The following TMEM132C variants were observed in gnomAD, a reference collection of about 807,000 sequenced individuals.
The protein encoded by TMEM132C is protein phosphatase 1, regulatory subunit 152.
In TMEM132C, 29 loss-of-function variants were observed where a neutral mutation model predicts 61.4. That is an observed-to-expected ratio of 0.47 (90% CI 0.35 to 0.64). The LOEUF is 0.64. TMEM132C is among the 30% of genes least tolerant of loss of function. The pLI is 0.00. For missense variants in TMEM132C, 1,408 were observed against 1,476.9 expected (o/e 0.95, Z 0.76); for synonymous variants, 656 against 633.1 (o/e 1.04, Z -0.54).
rs58166037 is a variant in TMEM132C at position 128,321,138 on chromosome 12, AAATAATAATAATAAT to A, written c.85+53679_85+53693del. On this transcript the variant is annotated intron_variant, in intron 1 of 8. Transcript: ENST00000435159. ...CCCTGTCCAGGCTGCCATTTTTGAA[AAATAATAATAATAAT>A]AATAATAATAATAATAATAATAATA... is the stretch of plus-strand genomic sequence containing the variant. Among the ~76,000 whole-genome samples the A allele has an allele frequency of 6.3e-4, 91 of 143,762 alleles. 1 individual carries two copies. The highest frequency in any genetic ancestry group is 2.4e-4 in the Non-Finnish European group (16 of 66,168). The allele number at this position is 143,762 out of a possible 152,430, so 94.3% of individuals were successfully genotyped here. A position where few individuals can be genotyped will look rare whatever the true frequency, so the allele number is the denominator to read the frequency against.
intron 3 of TMEM132C, among the ~76,000 whole-genome samples, chr12:128,552,921 CAAAAAA>C (rs376996076): frequency 6.8e-6 from 1 of 147,614 alleles, no homozygotes. Context: ...AACAAACAAA[CAAAAAA>C]AAAGCATAAA....
chr12:128,455,388 C>T (rs916073092), intron 2 of TMEM132C, among the ~76,000 whole-genome samples: 4 of 152,142 alleles, frequency 2.6e-5, no homozygotes, highest in Non-Finnish European at 2.9e-5. Context: ...CTTTGCAGCC[C>T]GGCCGTCTGT....
intron 4 of TMEM132C, 84 bp from the exon 5 acceptor site, chr12:128,669,333 C>T (rs1954507075): frequency 8.1e-6 from 12 of 1,485,840 alleles, no homozygotes; most frequent in Non-Finnish European, 1.1e-5. Flanking sequence ...GGTGTTTACC[C>T]TGGGAGATTC....
chr12:128,324,893 A>G (rs1872455538), intron 1 of TMEM132C, among the ~76,000 whole-genome samples: 2 of 152,214 alleles, frequency 1.3e-5, no homozygotes, highest in Admixed American at 1.3e-4. Flanking sequence ...CAAGAACGAG[A>G]CATTAGTGAT....
rs564303191 is a variant in TMEM132C, at chr12:128,319,092, T to C, written c.85+51605T>C. On this transcript the variant is annotated intron_variant, in intron 1 of 8. Coordinates refer to ENST00000435159, the MANE Select transcript of TMEM132C (RefSeq NM_001136103.3). Reference sequence around the variant, plus strand: ...TTCCAGTGAGGGAGGGTAAATACAATGTTGGCCATAAGGCAAACTGCTTAG... The same window carrying C: ...TTCCAGTGAGGGAGGGTAAATACAACGTTGGCCATAAGGCAAACTGCTTAG... Among the ~76,000 whole-genome samples the C allele has an allele frequency of 3.3e-5, 5 of 152,338 alleles. No homozygotes were observed. In the South Asian group the frequency reaches 1.0e-3, roughly 32 times the overall value.
At chr12:128,475,297 G>A (rs556633790) in intron 2 of TMEM132C, among the ~76,000 whole-genome samples, 1 of 152,230 alleles carries the variant, frequency 6.6e-6, no homozygotes, top group South Asian at 2.1e-4. Flanking sequence ...GTCACATATT[G>A]TACTTATTTC....
rs116485071 is a variant in TMEM132C at position 128,464,278 on chromosome 12, C to T, written c.974+48658C>T. Among the ~76,000 whole-genome samples the T allele has an allele frequency of 2.0e-3, 307 of 152,284 alleles. 2 individuals are homozygous for T. Among genetic ancestry groups the T allele is most frequent in the African/African-American group, 7.1e-3 (293 of 41,542 alleles). On this transcript the variant is annotated intron_variant, in intron 2 of 8. Transcript: ENST00000435159. ...ACTCTTCAGGACTGATACACCAGCA[C>T]GGCAAGGACTGCCTTGGACCTCCCT...
intron 1 of TMEM132C, among the ~76,000 whole-genome samples, chr12:128,327,354 G>A (rs1339880694): frequency 1.4e-5 from 2 of 144,522 alleles, no homozygotes; most frequent in African/African-American, 2.9e-5. Context: ...TGCCCGGGGC[G>A]CAGCTTGGTT....
chr12:128,412,235 C>G (rs2136018891), intron 1 of TMEM132C, among the ~76,000 whole-genome samples: 1 of 152,112 alleles, frequency 6.6e-6, no homozygotes, highest in East Asian at 1.9e-4. Context: ...TATCATATGT[C>G]AAACATTAAC....
At chr12:128,620,224 C>T (rs1273147104) in intron 4 of TMEM132C, among the ~76,000 whole-genome samples, 4 of 133,872 alleles carry the variant, frequency 3.0e-5, no homozygotes, top group Non-Finnish European at 6.2e-5. Context: ...CAGAATGAGA[C>T]CCTGTCTCAA....
intron 2 of TMEM132C, among the ~76,000 whole-genome samples, chr12:128,516,451 G>A (rs1872720569): frequency 6.6e-6 from 1 of 152,166 alleles, no homozygotes; most frequent in Non-Finnish European, 1.5e-5. Context: ...CAGGACACAG[G>A]ATGGCTCTAG....
chr12:128,594,150 C>A (rs1875861004), intron 3 of TMEM132C, among the ~76,000 whole-genome samples: 1 of 151,758 alleles, frequency 6.6e-6, no homozygotes, highest in African/African-American at 2.4e-5. Context: ...GAATCATTTG[C>A]TCCTGGGTCA....
chr12:128,558,605 C>CT (rs1238607318), intron 3 of TMEM132C, among the ~76,000 whole-genome samples: 7 of 152,218 alleles, frequency 4.6e-5, no homozygotes, highest in African/African-American at 9.6e-5. Context: ...TGAGAATAGA[C>CT]TAATACAGTG....
chr12:128,342,872 C>T (rs1259391207), intron 1 of TMEM132C, among the ~76,000 whole-genome samples: 2 of 152,164 alleles, frequency 1.3e-5, no homozygotes, highest in East Asian at 1.9e-4. Flanking sequence ...GAGGACCTGC[C>T]CTGGCTGCCT....
intron 1 of TMEM132C, among the ~76,000 whole-genome samples, chr12:128,376,241 A>T (rs1390825150): frequency 6.6e-6 from 1 of 152,244 alleles, no homozygotes; most frequent in Admixed American, 6.5e-5. Flanking sequence ...GCTTAAAGTA[A>T]CCAGGTGCAT....
chr12:128,593,922 G>C (rs571846359), intron 3 of TMEM132C, among the ~76,000 whole-genome samples: 139 of 152,180 alleles, frequency 9.1e-4, no homozygotes, highest in African/African-American at 3.0e-3. Context: ...AAAGAATGCT[G>C]GCAGGTGTGG....
chr12:128,637,776 A>G (rs1207582538), intron 4 of TMEM132C, among the ~76,000 whole-genome samples: 6 of 152,154 alleles, frequency 3.9e-5, no homozygotes, highest in Admixed American at 6.5e-5. Flanking sequence ...CTCTGCTACA[A>G]ACAGCCCAGT....
chr12:128,532,665 A>G (rs1223784311), intron 2 of TMEM132C, among the ~76,000 whole-genome samples: 2 of 144,172 alleles, frequency 1.4e-5, no homozygotes, highest in African/African-American at 2.5e-5. Flanking sequence ...AAAAAAAAAA[A>G]AAGAGCAGTA....
chr12:128,628,079 T>C (rs1177432539), intron 4 of TMEM132C, among the ~76,000 whole-genome samples: 1 of 152,006 alleles, frequency 6.6e-6, no homozygotes, highest in African/African-American at 2.4e-5. Context: ...TCGAAATGCA[T>C]CTCAAATGCA....
Sources: allele counts gnomAD v4.1 joint callset (sites outside exome capture counted in the v4.1 genomes callset), GRCh38; gene constraint gnomAD v4.1.1; transcripts MANE v1.5; gene names NCBI Gene and HGNC (gene_info 2026-07-23, HGNC 2026-07-21).